The following KHDRBS2 variants were observed in gnomAD, a reference collection of about 807,000 sequenced individuals.
KHDRBS2 encodes KH domain-containing, RNA-binding, signal transduction-associated protein 2.
A neutral mutation model predicts 44.3 loss-of-function variants in KHDRBS2; 26 were observed. That is an observed-to-expected ratio of 0.59 (90% CI 0.43 to 0.81). The LOEUF is 0.81. Ranked by LOEUF, KHDRBS2 falls within the 40% of genes least tolerant of loss-of-function variation. The pLI, the probability that KHDRBS2 is intolerant of heterozygous loss-of-function variation, is 0.00. For missense variants in KHDRBS2, 476 were observed against 433.1 expected (o/e 1.10, Z -0.88); for synonymous variants, 194 against 151.1 (o/e 1.28, Z -2.08).
chr6:62,070,228 G>A (rs139637920), intron 2 of KHDRBS2, among the ~76,000 whole-genome samples: 98 of 151,492 alleles, frequency 6.5e-4, no homozygotes, highest in African/African-American at 2.2e-3. Context: ...AGACTTACAC[G>A]TATATTAATA....
At chr6:62,123,902 T>C (rs1808318847) in intron 2 of KHDRBS2, among the ~76,000 whole-genome samples, 1 of 152,212 alleles carries the variant, frequency 6.6e-6, no homozygotes, top group South Asian at 2.1e-4. Flanking sequence ...ACTAATGAGA[T>C]ATATTCCTTG....
At chr6:61,945,399 G>A (rs894041148) in intron 4 of KHDRBS2, among the ~76,000 whole-genome samples, 3 of 151,322 alleles carry the variant, frequency 2.0e-5, no homozygotes, top group Admixed American at 6.6e-5. Context: ...AGCATAGCCA[G>A]AGGCAGAATT....
chr6:61,930,106 T>C (rs1809735093), intron 4 of KHDRBS2, among the ~76,000 whole-genome samples: 1 of 152,070 alleles, frequency 6.6e-6, no homozygotes, highest in South Asian at 2.1e-4. Flanking sequence ...CCACCCCTTC[T>C]GCCACTTAAG....
intron 1 of KHDRBS2, among the ~76,000 whole-genome samples, chr6:62,204,926 G>A (rs1208982391): frequency 6.6e-6 from 1 of 152,034 alleles, no homozygotes; most frequent in Non-Finnish European, 1.5e-5. Flanking sequence ...GTTATTCAAG[G>A]GTCAACAGTA....
intron 1 of KHDRBS2, among the ~76,000 whole-genome samples, chr6:62,216,211 G>A (rs1208958218): frequency 4.0e-5 from 6 of 151,596 alleles, no homozygotes; most frequent in East Asian, 1.9e-4. Context: ...AAGAAAACTC[G>A]CTTTCAAGGA....
At chr6:61,626,054 T>C in the KHDRBS2 span, among the ~76,000 whole-genome samples, 1 of 152,198 alleles carries the variant, frequency 6.6e-6, no homozygotes, top group African/African-American at 2.4e-5. Flanking sequence ...ATTAATGAAG[T>C]ATAGAGAAGC....
At chr6:61,573,816 A>G in the KHDRBS2 span, among the ~76,000 whole-genome samples, 15 of 151,622 alleles carry the variant, frequency 9.9e-5, no homozygotes, top group African/African-American at 3.6e-4. Context: ...AGTAAAAGTA[A>G]AAGAGCCTGC....
chr6:62,071,497 C>T (rs1728701057), intron 2 of KHDRBS2, among the ~76,000 whole-genome samples: 2 of 152,062 alleles, frequency 1.3e-5, no homozygotes, highest in Non-Finnish European at 2.9e-5. Context: ...GTCTTTAATC[C>T]ATCTCGAATT....
At chr6:61,872,947 A>G (rs2151969) in intron 6 of KHDRBS2, among the ~76,000 whole-genome samples, 62,638 of 151,916 alleles carry the variant, frequency 0.41, 13,122 homozygotes, top group Admixed American at 0.49. Context: ...GACTAAATAC[A>G]TTGCACTGAT....
chr6:62,144,605 T>C (rs1813546736), intron 2 of KHDRBS2, among the ~76,000 whole-genome samples: 1 of 151,962 alleles, frequency 6.6e-6, no homozygotes, highest in African/African-American at 2.4e-5. Flanking sequence ...ATTTTCATCT[T>C]ACCAATCGAT....
At chr6:62,080,675 A>T (rs1797217301) in intron 2 of KHDRBS2, among the ~76,000 whole-genome samples, 1 of 152,030 alleles carries the variant, frequency 6.6e-6, no homozygotes, top group Non-Finnish European at 1.5e-5. Flanking sequence ...CCCACTGACT[A>T]CCCTTCAGTA....
rs544445969 is a variant in KHDRBS2 at position 61,735,306 on chromosome 6, T to G, written c.811-2542A>C. 1.3e-4 allele frequency among the ~76,000 whole-genome samples: 20 copies of G among 152,248 alleles called. No homozygotes were observed. In the South Asian group the frequency reaches 1.5e-3, roughly 11 times the overall value. ...CATTTGCAAATTAGTTCCAGAAACA[T>G]GATATTTTATCCCTAAATACTTCAG... On this transcript the variant is annotated intron_variant, in intron 6 of 8. Transcript: ENST00000281156.
intron 1 of KHDRBS2, among the ~76,000 whole-genome samples, chr6:62,210,384 T>C (rs1334493368): frequency 1.8e-4 from 28 of 151,468 alleles, no homozygotes; most frequent in Admixed American, 1.8e-3. Context: ...AGGCTGGAGT[T>C]TGATGGCACA....
intron 1 of KHDRBS2, among the ~76,000 whole-genome samples, chr6:62,244,916 G>A (rs543878490): frequency 6.6e-6 from 1 of 152,102 alleles, no homozygotes; most frequent in East Asian, 1.9e-4. Flanking sequence ...CACAACCTCA[G>A]GGCTGTGGTA....
chr6:61,749,009 C>CTTTTTTTTTTTT (rs34423906), intron 6 of KHDRBS2, among the ~76,000 whole-genome samples: 108 of 97,218 alleles, frequency 1.1e-3, no homozygotes, highest in Non-Finnish European at 1.5e-3. Context: ...TTCTTTCTTT[C>CTTTTTTTTTTTT]TTTTTTTTTT....
intron 8 of KHDRBS2, among the ~76,000 whole-genome samples, chr6:61,687,172 C>G (rs1766907899): frequency 6.6e-6 from 1 of 151,710 alleles, no homozygotes; most frequent in Non-Finnish European, 1.5e-5. Flanking sequence ...CATCTCTTTT[C>G]ACAGATGAAC....
At chr6:61,643,590 T>C in the KHDRBS2 span, among the ~76,000 whole-genome samples, 1 of 152,144 alleles carries the variant, frequency 6.6e-6, no homozygotes, top group African/African-American at 2.4e-5. Flanking sequence ...CTCCTTGATC[T>C]GAAAAACAAC....
intron 1 of KHDRBS2, among the ~76,000 whole-genome samples, chr6:62,218,447 C>G (rs1230217714): frequency 6.6e-6 from 1 of 151,386 alleles, no homozygotes; most frequent in Non-Finnish European, 1.5e-5. Context: ...AGAACCAACA[C>G]AAACAAAAGA....
chr6:61,659,932 G>C, the KHDRBS2 span, among the ~76,000 whole-genome samples: 1 of 151,696 alleles, frequency 6.6e-6, no homozygotes, highest in African/African-American at 2.4e-5. Flanking sequence ...GCCTCACTGG[G>C]TTATTATGAA....
Sources: allele counts gnomAD v4.1 joint callset (sites outside exome capture counted in the v4.1 genomes callset), GRCh38; gene constraint gnomAD v4.1.1; transcripts MANE v1.5; gene names NCBI Gene and HGNC (gene_info 2026-07-23, HGNC 2026-07-21).